The following RALGAPA2 variants were observed in gnomAD, a reference collection of about 807,000 sequenced individuals.
RALGAPA2 encodes the protein ral GTPase-activating protein subunit alpha-2.
A neutral mutation model predicts 230.4 loss-of-function variants in RALGAPA2; 139 were observed. The observed-to-expected ratio is 0.60, with a 90% CI of 0.53 to 0.69. RALGAPA2 has a LOEUF of 0.69. Ranked by LOEUF, RALGAPA2 falls within the 30% of genes least tolerant of loss-of-function variation. RALGAPA2 has a pLI of 0.00. For missense variants in RALGAPA2, 2,163 were observed against 2,276.0 expected, an observed-to-expected ratio of 0.95 and a Z score of 1.01; for synonymous variants, 847 against 837.8, an observed-to-expected ratio of 1.01 and a Z score of -0.19.
Position 20,680,626 on chromosome 20 carries a change from C to T in RALGAPA2, c.217+65G>A, listed in dbSNP as rs1400371059. 8 of 1,451,534 alleles carry T rather than the reference C, an allele frequency of 5.5e-6. No individual in the cohort carries two copies. The Admixed American group carries it at 1.3e-4, about 24-fold the overall frequency. The allele number at this position is 1,451,534 out of a possible 1,614,324, so 89.9% of individuals were successfully genotyped here. On this transcript the variant is annotated intron_variant, in intron 2 of 39. Coordinates refer to ENST00000202677, the MANE Select transcript of RALGAPA2 (RefSeq NM_020343.4). ...GCTTAAAAATGTATAATTTGTGGCTCATGATATATACAACTTATAAAAATG... is the reference window on the plus strand; with the variant it reads ...GCTTAAAAATGTATAATTTGTGGCTTATGATATATACAACTTATAAAAATG...
intron 24 of RALGAPA2, among the ~76,000 whole-genome samples, chr20:20,544,640 A>T (rs577302864): frequency 6.6e-6 from 1 of 152,312 alleles, no homozygotes; most frequent in Middle Eastern, 3.4e-3. Flanking sequence ...TCAATAATAG[A>T]CTAGATAAAG....
chr20:20,676,308 T>C lies in RALGAPA2; in HGVS notation c.218-20A>G, dbSNP rs1260948798. ...TATTCCCTGGAATATTAAAAAATAATTAGTTATCATGACATCATTTAAACT... is the reference window on the plus strand; with the variant it reads ...TATTCCCTGGAATATTAAAAAATAACTAGTTATCATGACATCATTTAAACT... On this transcript the variant is annotated intron_variant, in intron 2 of 39. Transcript: ENST00000202677. 3 of 1,509,610 alleles carry C rather than the reference T, an allele frequency of 2.0e-6. No individual in the cohort carries two copies. Among genetic ancestry groups the C allele is most frequent in the Non-Finnish European group, 2.7e-6 (3 of 1,094,008 alleles). The allele number at this position is 1,509,610 out of a possible 1,614,324, so 93.5% of individuals were successfully genotyped here. A position where few individuals can be genotyped will look rare whatever the true frequency, so the allele number is the denominator to read the frequency against.
chr20:20,681,868 A>C (rs2068533632), intron 1 of RALGAPA2, among the ~76,000 whole-genome samples: 1 of 152,144 alleles, frequency 6.6e-6, no homozygotes, highest in Non-Finnish European at 1.5e-5. Flanking sequence ...TTAAAAACAA[A>C]ACAAAACAAA....
At chr20:20,395,330 A>G (rs979458445) in intron 39 of RALGAPA2, among the ~76,000 whole-genome samples, 9 of 152,244 alleles carry the variant, frequency 5.9e-5, no homozygotes, top group Admixed American at 4.6e-4. Context: ...GCTGCAGGAC[A>G]GGTAGGCGGG....
At chr20:20,615,657 T>C (rs1771448934) in intron 13 of RALGAPA2, among the ~76,000 whole-genome samples, 1 of 152,228 alleles carries the variant, frequency 6.6e-6, no homozygotes, top group African/African-American at 2.4e-5. Context: ...TTTTCCAAAA[T>C]GAATTTAAAA....
At chr20:20,685,460 T>C (rs1482667436) in intron 1 of RALGAPA2, among the ~76,000 whole-genome samples, 7 of 152,154 alleles carry the variant, frequency 4.6e-5, no homozygotes, top group Non-Finnish European at 1.5e-5. Flanking sequence ...ACCCTCACCA[T>C]AGCCCAATGA....
chr20:20,696,825 CAT>C (rs1187315929), intron 1 of RALGAPA2, among the ~76,000 whole-genome samples: 1 of 152,198 alleles, frequency 6.6e-6, no homozygotes, highest in Non-Finnish European at 1.5e-5. Flanking sequence ...TCTAAATAAG[CAT>C]ACACATACCC....
intron 1 of RALGAPA2, among the ~76,000 whole-genome samples, chr20:20,700,220 A>G (rs2069294222): frequency 6.6e-6 from 1 of 152,120 alleles, no homozygotes; most frequent in African/African-American, 2.4e-5. Flanking sequence ...AAAACCAAAT[A>G]CCATATGTTC....
chr20:20,589,152 A>C, intron 18 of RALGAPA2, 116 bp downstream of exon 18: 1 of 1,374,390 alleles, frequency 7.3e-7, no homozygotes, highest in Non-Finnish European at 9.5e-7. Context: ...GGGCCTATAA[A>C]CTGTCTAAAT....
intron 23 of RALGAPA2, among the ~76,000 whole-genome samples, chr20:20,571,078 A>T (rs572334420): frequency 6.6e-6 from 1 of 152,338 alleles, no homozygotes; most frequent in Non-Finnish European, 1.5e-5. Flanking sequence ...CTAACTACTA[A>T]AACAACAATT....
At chr20:20,490,513 A>G (rs1279595629) in intron 36 of RALGAPA2, among the ~76,000 whole-genome samples, 1 of 152,192 alleles carries the variant, frequency 6.6e-6, no homozygotes, top group African/African-American at 2.4e-5. Flanking sequence ...ATTTTCCCTG[A>G]GAAGTTCCCA....
At chr20:20,610,923 A>C (rs1189487818) in intron 14 of RALGAPA2, among the ~76,000 whole-genome samples, 1 of 152,146 alleles carries the variant, frequency 6.6e-6, no homozygotes, top group Non-Finnish European at 1.5e-5. Flanking sequence ...ACCTGTGGAC[A>C]TTGTCCTCTC....
rs2069932577 is a variant in RALGAPA2 at position 20,712,558 on chromosome 20, C to G, written c.-78G>C. On this transcript the variant is annotated 5_prime_UTR_variant, in exon 1 of 40. Transcript: ENST00000202677. The surrounding 1 kb of genome is among the most constrained non-coding windows in gnomAD (Gnocchi z 5.5). ...CGCGAATCAAAGCATAGGGTCGAGG[C>G]CGGCGCGTGTCGCGCGGGCCACTCG... is the stretch of plus-strand genomic sequence containing the variant. The G allele has an allele frequency of 1.5e-6, 2 of 1,342,434 alleles. No homozygotes were observed. The highest frequency in any genetic ancestry group is 8.2e-5 in the Admixed American group (2 of 24,460). 83.2% of individuals were successfully genotyped at this position (1,342,434 alleles called of 1,614,324 possible).
At chr20:20,686,769 T>C (rs1485094493) in intron 1 of RALGAPA2, among the ~76,000 whole-genome samples, 2 of 152,148 alleles carry the variant, frequency 1.3e-5, no homozygotes, top group African/African-American at 4.8e-5. Flanking sequence ...CTTCCACATA[T>C]AATCCTCTTC....
At chr20:20,534,209 C>T (rs541545509) in intron 26 of RALGAPA2, among the ~76,000 whole-genome samples, 26 of 152,232 alleles carry the variant, frequency 1.7e-4, no homozygotes, top group African/African-American at 6.0e-4. Flanking sequence ...CTTTGGGAGG[C>T]TGAGGCAGGC....
intron 16 of RALGAPA2, 140 bp downstream of exon 16, chr20:20,601,542 G>C: frequency 1.3e-6 from 1 of 785,450 alleles, no homozygotes. Flanking sequence ...AGAGCATAAA[G>C]CTAAAAAGAT....
At chr20:20,548,983 C>A (rs2145734027) in intron 23 of RALGAPA2, among the ~76,000 whole-genome samples, 1 of 152,310 alleles carries the variant, frequency 6.6e-6, no homozygotes, top group Non-Finnish European at 1.5e-5. Flanking sequence ...ATAATGCAAA[C>A]AACCATGATG....
chr20:20,586,611 C>T (rs113284312), intron 18 of RALGAPA2, among the ~76,000 whole-genome samples: 1 of 149,430 alleles, frequency 6.7e-6, no homozygotes, highest in Non-Finnish European at 1.5e-5. Flanking sequence ...GTTGGAATCA[C>T]AAAAACAAGC....
chr20:20,655,040 A>G (rs2067540298), intron 3 of RALGAPA2, among the ~76,000 whole-genome samples: 1 of 152,188 alleles, frequency 6.6e-6, no homozygotes, highest in Non-Finnish European at 1.5e-5. Context: ...AAATGTATCT[A>G]TGTATTCTTT....
Sources: allele counts gnomAD v4.1 joint callset (sites outside exome capture counted in the v4.1 genomes callset), GRCh38; gene constraint gnomAD v4.1.1; non-coding constraint Gnocchi (gnomAD v3.1); transcripts MANE v1.5; gene names NCBI Gene and HGNC (gene_info 2026-07-23, HGNC 2026-07-21).